GNA14: variants seen among roughly 807,000 people sequenced by gnomAD.
GNA14 encodes G protein subunit alpha 14.
In GNA14, 50 loss-of-function variants were observed where a neutral mutation model predicts 42.0. The observed-to-expected ratio is 1.19, with a 90% confidence interval of 0.95 to 1.51. GNA14 has a LOEUF of 1.51. GNA14 is among the 40% of genes most tolerant of loss of function. The pLI is 0.00. For synonymous variants in GNA14, 173 were observed against 163.1 expected (o/e 1.06, Z -0.46); for missense variants, 473 against 446.2 (o/e 1.06, Z -0.54).
intron 2 of GNA14, among the ~76,000 whole-genome samples, chr9:77,473,856 C>CA (rs1836373531): frequency 6.6e-6 from 1 of 152,054 alleles, no homozygotes; most frequent in Middle Eastern, 3.2e-3. Flanking sequence ...AATAAGCCCT[C>CA]AAATTTATAG....
At chr9:77,439,679 G>T (rs192054299) in intron 2 of GNA14, among the ~76,000 whole-genome samples, 20 of 152,294 alleles carry the variant, frequency 1.3e-4, no homozygotes, top group African/African-American at 4.6e-4. Context: ...GTGGAGTTTT[G>T]TGCATAGTTC....
At chr9:77,541,210 T>C (rs1217423302) in intron 1 of GNA14, among the ~76,000 whole-genome samples, 1 of 152,186 alleles carries the variant, frequency 6.6e-6, no homozygotes, top group Non-Finnish European at 1.5e-5. Flanking sequence ...GCCTTTCTTG[T>C]AGGGCCAGCC....
chr9:77,624,089 G>A (rs970355903), intron 1 of GNA14, among the ~76,000 whole-genome samples: 2 of 152,134 alleles, frequency 1.3e-5, no homozygotes, highest in African/African-American at 4.8e-5. Flanking sequence ...GGGAGGGAGG[G>A]GCATCCGCCA....
At chr9:77,472,051 G>A (rs986139455) in intron 2 of GNA14, among the ~76,000 whole-genome samples, 3 of 152,106 alleles carry the variant, frequency 2.0e-5, no homozygotes, top group African/African-American at 7.2e-5. Context: ...GTCTTTTTCT[G>A]AAATTTGACA....
chr9:77,472,191 G>C (rs2218387), intron 2 of GNA14, among the ~76,000 whole-genome samples: 12,124 of 152,230 alleles, frequency 0.08, 496 homozygotes, highest in East Asian at 0.13. Flanking sequence ...TACGACTTCT[G>C]ATAAAGTGTC....
At chr9:77,542,332 G>C (rs1015151981) in intron 1 of GNA14, among the ~76,000 whole-genome samples, 1 of 152,182 alleles carries the variant, frequency 6.6e-6, no homozygotes, top group Non-Finnish European at 1.5e-5. Flanking sequence ...GATTTCCTCA[G>C]TGGCTTAGGG....
At chr9:77,558,946 A>T (rs1354733773) in intron 1 of GNA14, among the ~76,000 whole-genome samples, 2 of 151,998 alleles carry the variant, frequency 1.3e-5, no homozygotes, top group African/African-American at 2.4e-5. Context: ...AAAAACAAAA[A>T]ACAAACAAAC....
At chr9:77,537,120 T>C (rs1837607804) in intron 1 of GNA14, among the ~76,000 whole-genome samples, 1 of 152,198 alleles carries the variant, frequency 6.6e-6, no homozygotes, top group African/African-American at 2.4e-5. Flanking sequence ...GAGTATACAA[T>C]ACACTGTTGC....
In GNA14 at chr9:77,435,784, A is replaced by C. The variant is rs144879595; in HGVS notation, c.310-1262T>G. ...AAAGATAAGGTTGGCCTGCAGCCAC[A>C]ACATTTCCCCGTGTTGGCCCCAGAG... On this transcript the variant is annotated intron_variant, in intron 2 of 6. Coordinates refer to ENST00000341700, the MANE Select transcript of GNA14 (RefSeq NM_004297.4). Among the ~76,000 whole-genome samples the C allele has an allele frequency of 3.6e-4, 55 of 152,278 alleles. No individual in the cohort carries two copies. In the East Asian group the frequency reaches 9.3e-3, roughly 26 times the overall value.
At chr9:77,529,311 G>T in intron 1 of GNA14, 58 bp from the exon 2 acceptor site, 1 of 1,308,752 alleles carries the variant, frequency 7.6e-7, no homozygotes, top group Middle Eastern at 1.8e-4. Flanking sequence ...AACACACGAA[G>T]AAACAGAGGA....
chr9:77,547,949 C>A (rs1360930438), intron 1 of GNA14, among the ~76,000 whole-genome samples: 1 of 152,080 alleles, frequency 6.6e-6, no homozygotes, highest in Non-Finnish European at 1.5e-5. Flanking sequence ...GAGGAAGAAG[C>A]AAATGCAATG....
intron 1 of GNA14, among the ~76,000 whole-genome samples, chr9:77,611,512 T>G (rs753025805): frequency 2.4e-4 from 36 of 151,808 alleles, no homozygotes; most frequent in Admixed American, 1.2e-3. Flanking sequence ...GAAAGGAGAG[T>G]CCCTAAGAAG....
intron 2 of GNA14, among the ~76,000 whole-genome samples, chr9:77,509,416 T>G (rs190982472): frequency 1.7e-3 from 265 of 152,374 alleles, no homozygotes; most frequent in African/African-American, 6.1e-3. Flanking sequence ...AACATGGGTA[T>G]GTAAAAAGCT....
intron 3 of GNA14, among the ~76,000 whole-genome samples, chr9:77,432,234 C>T (rs1030421064): frequency 2.0e-5 from 3 of 152,200 alleles, no homozygotes; most frequent in Non-Finnish European, 4.4e-5. Context: ...CGGCCCTGCC[C>T]TGTCCCAGCA....
chr9:77,460,346 G>A (rs536418570), intron 2 of GNA14, among the ~76,000 whole-genome samples: 54 of 152,314 alleles, frequency 3.5e-4, no homozygotes, highest in African/African-American at 8.7e-4. Context: ...AAGGGTTGCC[G>A]GCCACCAGCA....
intron 1 of GNA14, among the ~76,000 whole-genome samples, chr9:77,626,134 G>C (rs1000909247): frequency 6.6e-5 from 10 of 151,652 alleles, no homozygotes; most frequent in African/African-American, 2.4e-4. Context: ...AAGATCAAAA[G>C]AGACAAATAA....
chr9:77,518,772 C>T (rs531102483), intron 2 of GNA14, among the ~76,000 whole-genome samples: 4 of 152,282 alleles, frequency 2.6e-5, no homozygotes, highest in African/African-American at 9.6e-5. Context: ...CAAATAACTT[C>T]CTAACCAGGT....
chr9:77,550,831 G>A (rs1837778391), intron 1 of GNA14, among the ~76,000 whole-genome samples: 1 of 152,202 alleles, frequency 6.6e-6, no homozygotes, highest in Non-Finnish European at 1.5e-5. Context: ...AGGGTAAAGT[G>A]TGCAAATTAA....
chr9:77,632,608 C>T (rs893950730), intron 1 of GNA14, among the ~76,000 whole-genome samples: 1 of 152,174 alleles, frequency 6.6e-6, no homozygotes, highest in Admixed American at 6.5e-5. Flanking sequence ...AGGGCTGTGA[C>T]TCCCTTTGGG....
Sources: allele counts gnomAD v4.1 joint callset (sites outside exome capture counted in the v4.1 genomes callset), GRCh38; gene constraint gnomAD v4.1.1; transcripts MANE v1.5; gene names NCBI Gene and HGNC (gene_info 2026-07-23, HGNC 2026-07-21).